Variants in ISY1 observed in about 807,000 individuals in gnomAD.
ISY1 encodes ISY1 spliceosome associated protein.
In ISY1, 12 loss-of-function variants were observed where a neutral mutation model predicts 54.4. The ratio of observed to expected loss-of-function variants is 0.22; its 90% CI spans 0.14 to 0.36. The LOEUF (loss-of-function observed/expected upper bound fraction) is 0.36. ISY1 is among the 10% of genes least tolerant of loss of function. The probability of loss-of-function intolerance (pLI) is 1.00; values close to 1 mark genes in which losing one functional copy is unlikely to be tolerated. For missense variants in ISY1, 282 were observed against 342.2 expected, an observed-to-expected ratio of 0.82 and a Z score of 1.39; for synonymous variants, 96 against 117.9, an observed-to-expected ratio of 0.81 and a Z score of 1.20.
chr3:129,137,784 C>T (rs1936464813), intron 7 of ISY1, among the ~76,000 whole-genome samples: 1 of 149,482 alleles, frequency 6.7e-6, no homozygotes, highest in East Asian at 2.0e-4. Flanking sequence ...TGGTGGCGGT[C>T]ACCTATAGTC....
At position 129,161,003 on chromosome 3, in the gene ISY1, C is replaced by A; in HGVS notation, c.-28G>T. The A allele has an allele frequency of 1.3e-6, 2 of 1,534,574 alleles. No homozygotes were observed. Among genetic ancestry groups the A allele is most frequent in the South Asian group, 2.4e-5 (2 of 83,786 alleles). ...TGTCGCTAAGGGCGCCGTCCTGGAGCCCCGCGGCCCCTGTCCAAGAAACTC... is the reference window on the plus strand; with the variant it reads ...TGTCGCTAAGGGCGCCGTCCTGGAGACCCGCGGCCCCTGTCCAAGAAACTC... On this transcript the variant is annotated 5_prime_UTR_variant, in exon 1 of 11. Transcript: ENST00000393295.
chr3:129,160,252 T>C (rs1212694214), intron 1 of ISY1, among the ~76,000 whole-genome samples: 1 of 152,154 alleles, frequency 6.6e-6, no homozygotes, highest in Non-Finnish European at 1.5e-5. Context: ...AACCTAACCA[T>C]GACGCCCAGT....
chr3:129,157,443 G>A (rs1937174997), intron 3 of ISY1, among the ~76,000 whole-genome samples: 1 of 152,042 alleles, frequency 6.6e-6, no homozygotes, highest in Non-Finnish European at 1.5e-5. Context: ...TCATCAGGCT[G>A]GGCACGGCGG....
chr3:129,147,909 C>G (rs981860477), intron 5 of ISY1, among the ~76,000 whole-genome samples: 1 of 151,926 alleles, frequency 6.6e-6, no homozygotes, highest in Non-Finnish European at 1.5e-5. Context: ...TTCTTTCACT[C>G]AGCATTAGGC....
chr3:129,153,479 G>C (rs748878969), intron 5 of ISY1, among the ~76,000 whole-genome samples: 25 of 152,046 alleles, frequency 1.6e-4, no homozygotes, highest in Admixed American at 3.3e-4. Context: ...CCTTCCAGTT[G>C]TAACAATCAA....
intron 1 of ISY1, 55 bp downstream of exon 1, chr3:129,160,918 G>GCCCCCCCC: frequency 3.0e-6 from 2 of 666,122 alleles, no homozygotes; most frequent in Admixed American, 2.2e-5. Flanking sequence ...TGGACTGGGC[G>GCCCCCCCC]CCCCCCCGCC....
At chr3:129,160,498 ACT>A (rs1294329441) in intron 1 of ISY1, among the ~76,000 whole-genome samples, 1 of 151,680 alleles carries the variant, frequency 6.6e-6, no homozygotes, top group Non-Finnish European at 1.5e-5. Flanking sequence ...ATCTGCAACG[ACT>A]CTGTGTCAGA....
intron 1 of ISY1, among the ~76,000 whole-genome samples, chr3:129,160,449 TTC>T (rs1017278339): frequency 2.0e-5 from 3 of 151,780 alleles, no homozygotes; most frequent in South Asian, 2.1e-4. Context: ...ATAGAACACT[TTC>T]TGTCTATGCC....
chr3:129,140,327 T>C (rs1936569791), intron 7 of ISY1, 41 bp downstream of exon 7: 1 of 1,557,120 alleles, frequency 6.4e-7, no homozygotes. Flanking sequence ...CTCTTATGAT[T>C]ATTACCAATG....
At chr3:129,135,144 C>T (rs55871006) in intron 7 of ISY1, among the ~76,000 whole-genome samples, 190 bp from the exon 8 acceptor site, 12 of 152,070 alleles carry the variant, frequency 7.9e-5, no homozygotes, top group Admixed American at 3.3e-4. Flanking sequence ...GTCAGGAGTT[C>T]GAGACCAGCC....
intron 5 of ISY1, among the ~76,000 whole-genome samples, chr3:129,147,063 A>C (rs1392816378): frequency 6.6e-6 from 1 of 151,526 alleles, no homozygotes; most frequent in Non-Finnish European, 1.5e-5. Context: ...CCATTCAAAA[A>C]AAAAAAAAAG....
rs202218284 is a variant in ISY1 at position 129,140,368 on chromosome 3, G to T, written c.418C>A (p.Pro140Thr). 1.9e-6 allele frequency: 3 copies of T among 1,547,590 alleles called. No individual in the cohort carries two copies. The highest frequency in any genetic ancestry group is 2.0e-5 in the Admixed American group (1 of 50,888). The stretch of plus-strand genomic sequence containing the variant: ...CTAAAACTGTCACAAACTTACTTAC[G>T]TTCTTTTTCAAACAGCTCTCTAACA... ...PGVRELFEKEPLPPPRKTRAE... is the reference protein window; with the variant it reads ...PGVRELFEKETLPPPRKTRAE... Residue 140 changes from proline to threonine, a missense_variant and splice_region_variant, in exon 7 of 11, where the codon CCT becomes ACT. Physicochemically the swap from Pro to Thr is conservative, Grantham distance 38. Coordinates refer to ENST00000393295, the MANE Select transcript of ISY1 (RefSeq NM_020701.4).
At chr3:129,145,670 T>C in intron 6 of ISY1, 91 bp downstream of exon 6, 11 of 1,244,130 alleles carry the variant, frequency 8.8e-6, no homozygotes, top group Non-Finnish European at 1.3e-5. Context: ...AGCTTTCCTG[T>C]ATCAAGCGAC....
At position 129,159,189 on chromosome 3, in the gene ISY1, A is replaced by T; in HGVS notation, c.4-13T>A. ...CTGCATTTCGGGCCTGGAAAGAGAG[A>T]AAAGAGAAGAAAAATGTCCATGTTT... On this transcript the variant is annotated splice_polypyrimidine_tract_variant and intron_variant, in intron 1 of 10. Coordinates refer to ENST00000393295, the MANE Select transcript of ISY1 (RefSeq NM_020701.4). The T allele has an allele frequency of 1.3e-6, 2 of 1,595,986 alleles. No individual in the cohort carries two copies. Among genetic ancestry groups the T allele is most frequent in the Non-Finnish European group, 1.7e-6 (2 of 1,176,098 alleles).
At chr3:129,151,829 C>A (rs1456892518) in intron 5 of ISY1, among the ~76,000 whole-genome samples, 3 of 151,920 alleles carry the variant, frequency 2.0e-5, no homozygotes, top group Admixed American at 1.3e-4. Flanking sequence ...CAATCCTTCA[C>A]CATTAAATAG....
At chr3:129,153,822 C>T (rs1021321175) in intron 5 of ISY1, among the ~76,000 whole-genome samples, 2 of 151,876 alleles carry the variant, frequency 1.3e-5, no homozygotes, top group African/African-American at 2.4e-5. Flanking sequence ...AACTATTTCT[C>T]GGCCAGGCAC....
chr3:129,156,737 T>G, intron 4 of ISY1, 62 bp from the exon 5 acceptor site: 1 of 1,555,406 alleles, frequency 6.4e-7, no homozygotes, highest in Non-Finnish European at 8.7e-7. Flanking sequence ...ACAGAAAAAC[T>G]ATAATTCAAA....
rs772781427 is a variant in ISY1 at position 129,130,574 on chromosome 3, G to A, written c.726C>T (p.His242=). ...GDDSQQKFIA[H]VPVPSQQEIE... ...CCTCTTGCTGCGAGGGAACAGGGAC[G>A]TGAGCAATGAACTTCTGCTGGCTGT... The change falls in exon 10 of 11, where the codon CAC becomes CAT. Residue 242 remains histidine (H), a synonymous_variant. Coordinates refer to ENST00000393295, the MANE Select transcript of ISY1 (RefSeq NM_020701.4). 5.2e-5 allele frequency: 84 copies of A among 1,614,038 alleles called. No homozygotes were observed. The highest frequency in any genetic ancestry group is 7.1e-5 in the Non-Finnish European group (84 of 1,180,034).
chr3:129,151,601 C>T (rs1391561053), intron 5 of ISY1, among the ~76,000 whole-genome samples: 5 of 151,974 alleles, frequency 3.3e-5, no homozygotes, highest in Admixed American at 6.6e-5. Flanking sequence ...TGTACTTCAG[C>T]CTGGGTGACA....
Sources: gnomAD v4.1 joint callset for allele counts (sites outside exome capture counted in the v4.1 genomes callset) on GRCh38, gnomAD v4.1.1 for gene constraint, MANE v1.5 for transcripts, NCBI Gene and HGNC (gene_info 2026-07-23, HGNC 2026-07-21) for gene names.